BTC: variants seen among roughly 807,000 people sequenced by gnomAD.
BTC encodes probetacellulin.
Under a neutral mutation model 18.1 loss-of-function variants are expected in BTC, and 13 were observed. That is an observed-to-expected ratio of 0.72 (90% CI 0.47 to 1.14). The LOEUF (loss-of-function observed/expected upper bound fraction) is 1.14. Among genes scored for constraint, BTC ranks in the 50% most tolerant of loss-of-function variants. The pLI, the probability that BTC is intolerant of heterozygous loss-of-function variation, is 0.00. For missense variants in BTC, 247 were observed against 224.2 expected (o/e 1.10, Z -0.65); for synonymous variants, 83 against 79.4 (o/e 1.05, Z -0.24).
intron 1 of BTC, among the ~76,000 whole-genome samples, chr4:74,773,059 G>T (rs767296766): frequency 6.6e-5 from 10 of 152,190 alleles, no homozygotes; most frequent in Admixed American, 3.9e-4. Context: ...CCCAAACCAA[G>T]CAGAGCATGA....
At chr4:74,787,434 T>C (rs1725509432) in intron 1 of BTC, among the ~76,000 whole-genome samples, 1 of 152,230 alleles carries the variant, frequency 6.6e-6, no homozygotes, top group South Asian at 2.1e-4. Context: ...CTTTCATTGT[T>C]TCTTTAAATT....
intron 1 of BTC, among the ~76,000 whole-genome samples, chr4:74,772,944 G>A (rs149017430): frequency 3.6e-4 from 55 of 152,258 alleles, no homozygotes; most frequent in Non-Finnish European, 7.1e-4. Context: ...GGCTCCTTCC[G>A]CTAAGCTTTG....
At chr4:74,782,087 G>A (rs1011485598) in intron 1 of BTC, among the ~76,000 whole-genome samples, 3 of 152,004 alleles carry the variant, frequency 2.0e-5, no homozygotes, top group Admixed American at 1.3e-4. Flanking sequence ...AATGATTCAG[G>A]TATATTTCCA....
intron 1 of BTC, among the ~76,000 whole-genome samples, chr4:74,770,501 T>G (rs1577960464): frequency 6.6e-6 from 1 of 152,126 alleles, no homozygotes; most frequent in East Asian, 1.9e-4. Flanking sequence ...CCAGGGAGAG[T>G]GAATGGTGAA....
intron 1 of BTC, among the ~76,000 whole-genome samples, chr4:74,786,169 T>G (rs977600949): frequency 1.3e-5 from 2 of 152,184 alleles, no homozygotes; most frequent in African/African-American, 4.8e-5. Flanking sequence ...CAGATGGCAT[T>G]TCAGTAGGAA....
chr4:74,749,115 A>G (rs1392985433), intron 4 of BTC, among the ~76,000 whole-genome samples: 3 of 152,176 alleles, frequency 2.0e-5, no homozygotes, highest in African/African-American at 7.2e-5. Flanking sequence ...AAAGATACAT[A>G]ATGGAGGAAC....
intron 1 of BTC, among the ~76,000 whole-genome samples, chr4:74,793,337 C>T (rs1349634): frequency 0.37 from 55,862 of 152,014 alleles, 10,524 homozygotes; most frequent in Admixed American, 0.41. Context: ...CTCCCCCTCT[C>T]TTTCCTCAAT....
At chr4:74,763,555 T>G (rs1160321645) in intron 2 of BTC, among the ~76,000 whole-genome samples, 1 of 152,020 alleles carries the variant, frequency 6.6e-6, no homozygotes, top group Non-Finnish European at 1.5e-5. Context: ...GTAAAATAAT[T>G]TACAATATTT....
chr4:74,759,533 C>T (rs1344534216), intron 2 of BTC, among the ~76,000 whole-genome samples: 3 of 151,584 alleles, frequency 2.0e-5, no homozygotes, highest in Admixed American at 6.6e-5. Context: ...TCACAGGACT[C>T]TATATTCCGA....
At chr4:74,782,752 A>G (rs573246125) in intron 1 of BTC, among the ~76,000 whole-genome samples, 121 of 152,152 alleles carry the variant, frequency 8.0e-4, no homozygotes, top group African/African-American at 2.8e-3. Context: ...CTGCAACTCC[A>G]CCAGCATCTG....
At chr4:74,761,705 T>A (rs574579694) in intron 2 of BTC, among the ~76,000 whole-genome samples, 38 of 152,196 alleles carry the variant, frequency 2.5e-4, no homozygotes, top group Non-Finnish European at 4.4e-4. Context: ...GCCGGCTGCA[T>A]TCAAAATACA....
intron 1 of BTC, among the ~76,000 whole-genome samples, chr4:74,778,283 C>T (rs1476233757): frequency 2.0e-5 from 3 of 152,080 alleles, no homozygotes; most frequent in African/African-American, 4.8e-5. Flanking sequence ...CAAAGCAGAC[C>T]TTCAAGGAGA....
At chr4:74,774,579 C>G (rs1348099816) in intron 1 of BTC, among the ~76,000 whole-genome samples, 1 of 146,350 alleles carries the variant, frequency 6.8e-6, no homozygotes. Context: ...TGTAGTTAAC[C>G]AGGGCATTCT....
At chr4:74,762,777 G>A (rs1354319311) in intron 2 of BTC, among the ~76,000 whole-genome samples, 2 of 152,112 alleles carry the variant, frequency 1.3e-5, no homozygotes, top group South Asian at 4.1e-4. Context: ...AATTTTACCT[G>A]ATGTTTTAAG....
At chr4:74,779,685 G>T (rs1395447680) in intron 1 of BTC, among the ~76,000 whole-genome samples, 1 of 152,088 alleles carries the variant, frequency 6.6e-6, no homozygotes, top group East Asian at 1.9e-4. Flanking sequence ...CATGGTCTCT[G>T]ACCCATGAGG....
intron 2 of BTC, among the ~76,000 whole-genome samples, chr4:74,764,412 AT>A (rs1459719128): frequency 6.6e-6 from 1 of 152,118 alleles, no homozygotes; most frequent in Admixed American, 6.5e-5. Context: ...CAAAATGAAA[AT>A]TTTGGTGCTG....
intron 1 of BTC, among the ~76,000 whole-genome samples, chr4:74,775,734 C>G (rs1191816024): frequency 6.6e-6 from 1 of 152,086 alleles, no homozygotes; most frequent in Non-Finnish European, 1.5e-5. Flanking sequence ...TGGTTTTTGC[C>G]TTCCTGTTAT....
At chr4:74,794,181 G>A in intron 1 of BTC, 81 bp downstream of exon 1, 3 of 1,520,470 alleles carry the variant, frequency 2.0e-6, no homozygotes, top group South Asian at 1.2e-5. Context: ...CCAGATGCCA[G>A]CTCGGTTCAG....
chr4:74,779,443 T>C (rs1427308010), intron 1 of BTC, among the ~76,000 whole-genome samples: 2 of 152,152 alleles, frequency 1.3e-5, no homozygotes, highest in African/African-American at 4.8e-5. Context: ...TCAGAAATCG[T>C]CAGTTGTCAA....
Sources: allele counts gnomAD v4.1 joint callset (sites outside exome capture counted in the v4.1 genomes callset), GRCh38; gene constraint gnomAD v4.1.1; transcripts MANE v1.5; gene names NCBI Gene and HGNC (gene_info 2026-07-23, HGNC 2026-07-21).